PRLR: variants seen among roughly 807,000 people sequenced by gnomAD.
The protein encoded by PRLR is prolactin receptor, also known as hPRL receptor.
A neutral mutation model predicts 40.2 loss-of-function variants in PRLR; 13 were observed. The ratio of observed to expected loss-of-function variants is 0.32; its 90% CI spans 0.21 to 0.51. The LOEUF (loss-of-function observed/expected upper bound fraction) is 0.51. PRLR is among the 20% of genes least tolerant of loss of function. The pLI, the probability that PRLR is intolerant of heterozygous loss-of-function variation, is 0.97. For missense variants in PRLR, 656 were observed against 747.3 expected (o/e 0.88, Z 1.42); for synonymous variants, 269 against 278.7 (o/e 0.97, Z 0.35).
chr5:35,100,140 A>G (rs964738082), intron 2 of PRLR, among the ~76,000 whole-genome samples: 1 of 149,370 alleles, frequency 6.7e-6, no homozygotes, highest in Non-Finnish European at 1.5e-5. Context: ...ATTTGCAGCG[A>G]GCCATTGCAC....
intron 7 of PRLR, among the ~76,000 whole-genome samples, chr5:35,069,306 A>G (rs998336668): frequency 6.6e-6 from 1 of 152,230 alleles, no homozygotes; most frequent in Non-Finnish European, 1.5e-5. Flanking sequence ...ACATAACTAT[A>G]GTGTTGCAGG....
At position 35,230,392 on chromosome 5, in the gene PRLR, G is replaced by A; in HGVS notation, c.-230C>T. 1 of 152,416 alleles carries A rather than the reference G, an allele frequency of 6.6e-6. No individual in the cohort carries two copies. 9.4% of individuals were successfully genotyped at this position (152,416 alleles called of 1,614,324 possible). A position where few individuals can be genotyped will look rare whatever the true frequency, so the allele number is the denominator to read the frequency against. ...TAAAATCCAGAAAGAGGGAGAAGGA[G>A]TGAGTAAGGCAGAAAGCCCAGCCCA... On this transcript the variant is annotated 5_prime_UTR_variant, in exon 1 of 10. Coordinates refer to ENST00000618457, the MANE Select transcript of PRLR (RefSeq NM_000949.7).
intron 7 of PRLR, among the ~76,000 whole-genome samples, chr5:35,069,256 A>C (rs201454865): frequency 0.011 from 1,729 of 152,316 alleles, 28 homozygotes; most frequent in South Asian, 0.082. Flanking sequence ...GTTATAAAAG[A>C]TAAGAAAACT....
chr5:35,138,686 G>A (rs2914112), intron 1 of PRLR, among the ~76,000 whole-genome samples: 31,672 of 152,108 alleles, frequency 0.21, 5,973 homozygotes, highest in African/African-American at 0.5. Context: ...ATTTTGGTGA[G>A]GATACAATAG....
intron 1 of PRLR, among the ~76,000 whole-genome samples, chr5:35,221,259 T>C (rs1223687070): frequency 1.3e-5 from 2 of 152,212 alleles, no homozygotes; most frequent in Non-Finnish European, 2.9e-5. Flanking sequence ...CTTGGTTAAC[T>C]AAAGATTAAC....
In PRLR at chr5:35,084,630, G is replaced by C. The variant is rs747795736; in HGVS notation, c.213C>G (p.Leu71=). 1 of 1,609,590 alleles carries C rather than the reference G, an allele frequency of 6.2e-7. No individual in the cohort carries two copies. The highest frequency in any genetic ancestry group is 1.1e-5 in the South Asian group (1 of 89,858). The change falls in exon 5 of 10, where the codon CTC becomes CTG. Residue 71 remains leucine, a synonymous_variant. Coordinates refer to ENST00000618457, the MANE Select transcript of PRLR (RefSeq NM_000949.7). The part of the protein sequence containing the change: ...SLTYHREGET[L]MHECPDYITG... Reference sequence around the variant, plus strand: ...TTATGTAGTCTGGACATTCATGCATGAGTGTCTCTCTGCAATAAGTAATGT... The same window carrying C: ...TTATGTAGTCTGGACATTCATGCATCAGTGTCTCTCTGCAATAAGTAATGT...
intron 2 of PRLR, among the ~76,000 whole-genome samples, chr5:35,112,436 C>T: frequency 6.6e-6 from 1 of 152,068 alleles, no homozygotes; most frequent in East Asian, 1.9e-4. Flanking sequence ...GGGGCTTCTG[C>T]TAGTCCTTGT....
intron 1 of PRLR, among the ~76,000 whole-genome samples, chr5:35,218,096 T>C (rs1331264482): frequency 2.6e-5 from 4 of 152,226 alleles, no homozygotes; most frequent in Non-Finnish European, 5.9e-5. Flanking sequence ...AGATTTGAAA[T>C]AGCTTTCAAA....
At chr5:35,128,932 C>T (rs981460215) in intron 1 of PRLR, among the ~76,000 whole-genome samples, 1 of 152,166 alleles carries the variant, frequency 6.6e-6, no homozygotes, top group African/African-American at 2.4e-5. Flanking sequence ...TGCCTCCTTC[C>T]CCGTATTCCC....
chr5:35,071,746 C>T (rs1769754870), intron 6 of PRLR, among the ~76,000 whole-genome samples: 3 of 152,144 alleles, frequency 2.0e-5, no homozygotes, highest in Non-Finnish European at 1.5e-5. Flanking sequence ...CACAGGCACT[C>T]ACCACCATGC....
rs1263728086 is a variant in PRLR, at chr5:35,057,010, T to C, written c.*8079A>G. 1 of 152,190 alleles carries C rather than the reference T, an allele frequency of 6.6e-6. No individual in the cohort carries two copies. The highest frequency in any genetic ancestry group is 1.5e-5 in the Non-Finnish European group (1 of 68,026). 9.4% of individuals were successfully genotyped at this position (152,190 alleles called of 1,614,324 possible). ...CCATTAAAAGATTATCCATTTACAC[T>C]TCATCTGATGGATTTTGTCAGAAAA... On this transcript the variant is annotated 3_prime_UTR_variant, in exon 10 of 10. Transcript: ENST00000618457.
rs534026625 is a variant in PRLR, at chr5:35,168,203, T to C, written c.-105-50081A>G. Among the ~76,000 whole-genome samples, 6 of 152,076 alleles carry C rather than the reference T, an allele frequency of 3.9e-5. No individual in the cohort carries two copies. The East Asian group carries it at 5.8e-4, about 15-fold the overall frequency. On this transcript the variant is annotated intron_variant, in intron 1 of 9. Transcript: ENST00000618457. ...CATCTAATTACATAGACCCAAAATA[T>C]ACAAAGCAAAAACTTCCAAGACTAA...
intron 1 of PRLR, among the ~76,000 whole-genome samples, chr5:35,119,390 A>T (rs796513230): frequency 0.054 from 8,160 of 149,850 alleles, 284 homozygotes; most frequent in Middle Eastern, 0.11. Context: ...TCTCTCTCAC[A>T]CACACACACA....
intron 5 of PRLR, among the ~76,000 whole-genome samples, chr5:35,077,017 G>A: frequency 6.6e-6 from 1 of 152,124 alleles, no homozygotes; most frequent in Non-Finnish European, 1.5e-5. Context: ...TCACTACCAG[G>A]CCTGCCTTAC....
Position 35,156,654 on chromosome 5 carries a change from G to A in PRLR, c.-105-38532C>T, listed in dbSNP as rs1774518230. Among the ~76,000 whole-genome samples, 3 of 152,100 alleles carry A rather than the reference G, an allele frequency of 2.0e-5. No homozygotes were observed. In the South Asian group the frequency reaches 6.2e-4, roughly 32 times the overall value. The stretch of plus-strand genomic sequence containing the variant: ...CAGGGCTTATGAACTTGCTATTCCT[G>A]TTGTCTACAATGCTCTTCCTCAAAT... On this transcript the variant is annotated intron_variant, in intron 1 of 9. Coordinates refer to ENST00000618457, the MANE Select transcript of PRLR (RefSeq NM_000949.7).
chr5:35,212,431 T>C (rs73078888), intron 1 of PRLR, among the ~76,000 whole-genome samples: 1,731 of 152,342 alleles, frequency 0.011, 39 homozygotes, highest in African/African-American at 0.04. Context: ...TCAGATTAGT[T>C]GAAATTAAGG....
At chr5:35,161,922 C>T (rs1774686124) in intron 1 of PRLR, among the ~76,000 whole-genome samples, 1 of 152,180 alleles carries the variant, frequency 6.6e-6, no homozygotes, top group African/African-American at 2.4e-5. Context: ...TTCCAAAAGT[C>T]TTGTGAGACA....
intron 1 of PRLR, among the ~76,000 whole-genome samples, chr5:35,213,327 C>T (rs540081114): frequency 1.3e-5 from 2 of 152,154 alleles, no homozygotes; most frequent in South Asian, 2.1e-4. Context: ...TTTCCCAAAG[C>T]CACATGTAAT....
At chr5:35,174,017 G>A (rs1311505279) in intron 1 of PRLR, among the ~76,000 whole-genome samples, 1 of 150,844 alleles carries the variant, frequency 6.6e-6, no homozygotes, top group African/African-American at 2.4e-5. Flanking sequence ...GGTGTGTGAT[G>A]TTCCCCTTCC....
Sources: gnomAD v4.1 joint callset for allele counts (sites outside exome capture counted in the v4.1 genomes callset) on GRCh38, gnomAD v4.1.1 for gene constraint, MANE v1.5 for transcripts, NCBI Gene and HGNC (gene_info 2026-07-23, HGNC 2026-07-21) for gene names.